Variants in PUDP observed in about 807,000 individuals in gnomAD.
PUDP encodes pseudouridine-5'-phosphatase.
PUDP carries 8 observed loss-of-function variants against 9.4 expected under a neutral mutation model. That is an observed-to-expected ratio of 0.85 (90% confidence interval 0.50 to 1.53). The LOEUF (loss-of-function observed/expected upper bound fraction) is 1.53. PUDP is among the 40% of genes most tolerant of loss of function. The pLI is 0.00. For synonymous variants in PUDP, 99 were observed against 80.7 expected (o/e 1.23, Z -1.22); for missense variants, 188 against 189.7 (o/e 0.99, Z 0.05).
At chrX:6,751,389 TA>T (rs369844503) in intron 3 of PUDP, among the ~76,000 whole-genome samples, 1 of 111,566 alleles carries the variant, frequency 9.0e-6, no homozygotes, top group Middle Eastern at 4.6e-3. Flanking sequence ...TGGTTTTCAA[TA>T]AAGAAATCAC....
chrX:6,977,346 C>A (rs989544858), intron 2 of PUDP, among the ~76,000 whole-genome samples: 110 of 111,650 alleles, frequency 9.9e-4, no homozygotes, highest in African/African-American at 3.3e-3. Flanking sequence ...CAAAACTTTG[C>A]TGCCCTGCAA....
chrX:7,053,889 T>C (rs1304779230), intron 3 of PUDP, among the ~76,000 whole-genome samples: 1 of 111,874 alleles, frequency 8.9e-6, no homozygotes, highest in African/African-American at 3.3e-5. Context: ...ACACCAGCTC[T>C]TGGAGACCTT....
intron 3 of PUDP, among the ~76,000 whole-genome samples, chrX:6,959,969 C>T (rs2146787413): frequency 8.9e-6 from 1 of 112,587 alleles, no homozygotes; most frequent in South Asian, 3.7e-4. Flanking sequence ...TCTCCTATGC[C>T]TGTCCCACCA....
At chrX:6,771,686 C>T (rs777226582) in intron 3 of PUDP, among the ~76,000 whole-genome samples, 14 of 112,183 alleles carry the variant, frequency 1.2e-4, no homozygotes, top group South Asian at 3.7e-4. Context: ...TTAAACTCTC[C>T]GGATCATGAA....
At chrX:6,791,650 G>A (rs948270926) in intron 3 of PUDP, among the ~76,000 whole-genome samples, 1 of 111,399 alleles carries the variant, frequency 9.0e-6, no homozygotes, top group Non-Finnish European at 1.9e-5. Flanking sequence ...CAAGGAATGC[G>A]GGATACTTGT....
At chrX:6,723,669 C>CA (rs1456597993), upstream of PUDP, among the ~76,000 whole-genome samples, 3 of 80,199 alleles carry the variant, frequency 3.7e-5, no homozygotes, top group Admixed American at 2.7e-4. Context: ...AAAACCCCAC[C>CA]AAAAAAACAA....
intron 3 of PUDP, among the ~76,000 whole-genome samples, chrX:6,836,017 C>A (rs1483973503): frequency 1.8e-5 from 2 of 110,997 alleles, no homozygotes; most frequent in Non-Finnish European, 3.8e-5. Flanking sequence ...CTACACCCGG[C>A]CGTCACCACT....
chrX:6,718,578 A>G (rs1924626566), intron 1 of PUDP, among the ~76,000 whole-genome samples: 1 of 111,247 alleles, frequency 9.0e-6, no homozygotes, highest in South Asian at 3.8e-4. Context: ...GTGGAATAAT[A>G]GACACTGGAG....
chrX:7,022,470 G>A, intron 1 of PUDP, among the ~76,000 whole-genome samples: 1 of 111,752 alleles, frequency 8.9e-6, no homozygotes, highest in East Asian at 2.8e-4. Flanking sequence ...CCTCTGTAGA[G>A]GTTGGTCTCA....
At chrX:6,986,706 G>A (rs1022550343) in intron 1 of PUDP, among the ~76,000 whole-genome samples, 2 of 111,801 alleles carry the variant, frequency 1.8e-5, no homozygotes, top group African/African-American at 6.5e-5. Flanking sequence ...GTTTGACTCT[G>A]AATTTAGTGT....
chrX:6,900,247 A>G (rs1927654712), intron 3 of PUDP, among the ~76,000 whole-genome samples: 1 of 107,716 alleles, frequency 9.3e-6, no homozygotes, highest in African/African-American at 3.4e-5. Flanking sequence ...TCCTTACAGT[A>G]GTCATTTATA....
chrX:7,019,119 C>T (rs956090974), intron 1 of PUDP, among the ~76,000 whole-genome samples: 16 of 111,319 alleles, frequency 1.4e-4, no homozygotes, highest in African/African-American at 5.2e-4. Flanking sequence ...CTCTTACTTT[C>T]TGGAATGCCC....
chrX:6,932,309 T>G (rs953059376), intron 3 of PUDP, among the ~76,000 whole-genome samples: 4 of 111,970 alleles, frequency 3.6e-5, no homozygotes, highest in East Asian at 5.6e-4. Flanking sequence ...CCGGGAGGGC[T>G]TCTCCTCCCA....
downstream of PUDP, among the ~76,000 whole-genome samples, chrX:7,047,892 A>C (rs1188518660): frequency 3.6e-5 from 4 of 112,384 alleles, no homozygotes; most frequent in Admixed American, 3.8e-4. Context: ...AACACCATAT[A>C]AAATGTGCCA....
At chrX:6,934,809 CA>C (rs1413755006) in intron 3 of PUDP, among the ~76,000 whole-genome samples, 13 of 89,419 alleles carry the variant, frequency 1.5e-4, no homozygotes, top group African/African-American at 5.4e-4. Context: ...AAATGGAAAA[CA>C]AAAAAAGGCA....
At chrX:6,899,406 C>T (rs746241721) in intron 3 of PUDP, among the ~76,000 whole-genome samples, 21 of 111,733 alleles carry the variant, frequency 1.9e-4, no homozygotes, top group Admixed American at 1.5e-3. Flanking sequence ...CATGGCAAAA[C>T]CCTGTGTCTA....
intron 1 of PUDP, among the ~76,000 whole-genome samples, chrX:7,130,199 T>C (rs1932583485): frequency 1.8e-5 from 2 of 110,794 alleles, no homozygotes; most frequent in South Asian, 7.7e-4. Flanking sequence ...GACTTCAAAG[T>C]TGTGAGTTCG....
chrX:7,024,862 A>AT (rs1334728539), intron 1 of PUDP, among the ~76,000 whole-genome samples: 1 of 103,510 alleles, frequency 9.7e-6, no homozygotes, highest in Non-Finnish European at 2.0e-5. Flanking sequence ...AAGTGCTGGG[A>AT]TTACAGGCGT....
chrX:6,945,561 AAG>A (rs1244186438), intron 3 of PUDP, among the ~76,000 whole-genome samples: 2 of 111,729 alleles, frequency 1.8e-5, no homozygotes, highest in African/African-American at 6.5e-5. Context: ...AATATACACA[AAG>A]AAATCAAAGA....
Sources: allele counts gnomAD v4.1 joint callset (sites outside exome capture counted in the v4.1 genomes callset), GRCh38; gene constraint gnomAD v4.1.1; transcripts MANE v1.5; gene names NCBI Gene and HGNC (gene_info 2026-07-23, HGNC 2026-07-21).